The following USP32 variants were observed in gnomAD, a reference collection of about 807,000 sequenced individuals.
USP32 encodes ubiquitin carboxyl-terminal hydrolase 32.
Under a neutral mutation model 204.8 loss-of-function variants are expected in USP32, and 59 were observed. The ratio of observed to expected loss-of-function variants is 0.29; its 90% CI spans 0.23 to 0.36. The LOEUF is 0.36. USP32 is among the 10% of genes least tolerant of loss of function. The pLI is 1.00. For missense variants in USP32, 1,160 were observed against 1,946.4 expected (o/e 0.60, Z 7.60); for synonymous variants, 517 against 678.4 (o/e 0.76, Z 3.70).
intron 9 of USP32, among the ~76,000 whole-genome samples, chr17:60,262,042 A>AT (rs2086465921): frequency 6.6e-6 from 1 of 152,234 alleles, no homozygotes; most frequent in African/African-American, 2.4e-5. Flanking sequence ...CTTAAAATCT[A>AT]GAACTGTAAA....
chr17:60,301,546 A>G (rs1232673350), intron 3 of USP32, 53 bp downstream of exon 3: 3 of 1,143,640 alleles, frequency 2.6e-6, no homozygotes, highest in Non-Finnish European at 3.6e-6. Flanking sequence ...GAATTTTGAG[A>G]TAAATTATTC....
At chr17:60,191,598 C>A (rs568345583) in intron 28 of USP32, among the ~76,000 whole-genome samples, 1 of 151,344 alleles carries the variant, frequency 6.6e-6, no homozygotes, top group Admixed American at 6.6e-5. Context: ...CAAGCTCCGC[C>A]TCCCGGGTTC....
chr17:60,320,697 A>T (rs2088092183), intron 2 of USP32, among the ~76,000 whole-genome samples: 1 of 152,248 alleles, frequency 6.6e-6, no homozygotes. Flanking sequence ...TTATTTGAGG[A>T]TGTGCTGCAC....
rs2084586438 is a variant in USP32, at chr17:60,198,507, T to C, written c.3250-63A>G. ...CAGGCCTCTGATTCCTCCCTTTAGTTCTTCTAAATGCCTGCCAATGACAGG... is the reference window on the plus strand; with the variant it reads ...CAGGCCTCTGATTCCTCCCTTTAGTCCTTCTAAATGCCTGCCAATGACAGG... On this transcript the variant is annotated intron_variant, in intron 26 of 33. Transcript: ENST00000300896. The C allele has an allele frequency of 3.2e-6, 5 of 1,577,758 alleles. No individual in the cohort carries two copies. In the South Asian group the frequency reaches 5.8e-5, roughly 18 times the overall value.
At chr17:60,392,171 T>G (rs1402226183), upstream of USP32, 2 of 469,804 alleles carry the variant, frequency 4.3e-6, no homozygotes, top group Middle Eastern at 5.7e-4. Flanking sequence ...TGCCTCCTAC[T>G]CCGCCCTTCT....
At chr17:60,349,176 T>C (rs374986468) in intron 1 of USP32, among the ~76,000 whole-genome samples, 27 of 150,040 alleles carry the variant, frequency 1.8e-4, no homozygotes, top group African/African-American at 6.6e-4. Flanking sequence ...TAATCTAATA[T>C]ATTAATTATA....
At chr17:60,318,653 C>G (rs1459172082) in intron 2 of USP32, among the ~76,000 whole-genome samples, 5 of 152,168 alleles carry the variant, frequency 3.3e-5, no homozygotes, top group African/African-American at 1.2e-4. Flanking sequence ...AAGGCTGGGA[C>G]TAGGTCAGGT....
At chr17:60,344,883 C>T (rs971626311) in intron 2 of USP32, among the ~76,000 whole-genome samples, 2 of 152,212 alleles carry the variant, frequency 1.3e-5, no homozygotes, top group East Asian at 1.9e-4. Flanking sequence ...AGACTGGACT[C>T]GAGTTCTTGG....
intron 11 of USP32, among the ~76,000 whole-genome samples, chr17:60,240,257 T>C (rs942606111): frequency 6.6e-6 from 1 of 152,264 alleles, no homozygotes; most frequent in Non-Finnish European, 1.5e-5. Flanking sequence ...CTAGAAATAT[T>C]TCCCTCCACC....
chr17:60,416,599 C>A (rs927621813), intron 1 of USP32, among the ~76,000 whole-genome samples: 6 of 152,104 alleles, frequency 3.9e-5, no homozygotes, highest in Non-Finnish European at 8.8e-5. Context: ...CTCCCAAAGG[C>A]AATGGATTTT....
intron 26 of USP32, among the ~76,000 whole-genome samples, chr17:60,204,835 G>A (rs2084782200): frequency 6.6e-6 from 1 of 151,796 alleles, no homozygotes; most frequent in Non-Finnish European, 1.5e-5. Flanking sequence ...TGTGGGGCAA[G>A]CAAGCATGGC....
At chr17:60,228,097 C>G (rs2085444760) in intron 12 of USP32, among the ~76,000 whole-genome samples, 1 of 151,774 alleles carries the variant, frequency 6.6e-6, no homozygotes. Context: ...GCAGTCTCGG[C>G]TCACAGCAAC....
chr17:60,350,360 C>T (rs549911690), intron 1 of USP32, among the ~76,000 whole-genome samples: 2 of 152,286 alleles, frequency 1.3e-5, no homozygotes, highest in African/African-American at 4.8e-5. Flanking sequence ...ATGATCTTGG[C>T]TCACTGCAAC....
intron 13 of USP32, among the ~76,000 whole-genome samples, chr17:60,225,014 T>C (rs932439165): frequency 6.6e-6 from 1 of 152,364 alleles, no homozygotes; most frequent in Middle Eastern, 3.4e-3. Flanking sequence ...TGGCCTGAAA[T>C]ATACATAGAA....
chr17:60,293,956 A>C (rs1433682862), intron 4 of USP32, among the ~76,000 whole-genome samples: 1 of 152,268 alleles, frequency 6.6e-6, no homozygotes, highest in Non-Finnish European at 1.5e-5. Context: ...GAAAAGAAAA[A>C]TAAAATAATT....
Position 60,190,620 on chromosome 17 carries a change from G to A in USP32, c.3585C>T (p.Ile1195=), listed in dbSNP as rs1232846049. ...GGGCTGTGGGATCCCAATCCACAGC[G>A]ATATAGGCATTTCCAATGAAAGCTC... ...EDRAFIGNAY[I]AVDWDPTALH... Residue 1195 remains isoleucine (I), a synonymous_variant, in exon 29 of 34, where the codon ATC becomes ATT. Coordinates refer to ENST00000300896, the MANE Select transcript of USP32 (RefSeq NM_032582.4). The A allele has an allele frequency of 1.9e-6, 3 of 1,606,296 alleles. No individual in the cohort carries two copies. The highest frequency in any genetic ancestry group is 1.7e-5 in the Admixed American group (1 of 58,186).
At chr17:60,246,832 CT>C (rs1409829850) in intron 11 of USP32, among the ~76,000 whole-genome samples, 1 of 151,982 alleles carries the variant, frequency 6.6e-6, no homozygotes, top group East Asian at 1.9e-4. Context: ...ATTTGTATGT[CT>C]TTTTTTGAGC....
At chr17:60,300,455 C>G in intron 3 of USP32, among the ~76,000 whole-genome samples, 1 of 152,126 alleles carries the variant, frequency 6.6e-6, no homozygotes, top group East Asian at 1.9e-4. Flanking sequence ...TAGCATTTCC[C>G]TGATCAGCAG....
intron 1 of USP32, among the ~76,000 whole-genome samples, chr17:60,399,848 G>A (rs2089923339): frequency 6.6e-6 from 1 of 152,178 alleles, no homozygotes; most frequent in Non-Finnish European, 1.5e-5. Flanking sequence ...GGGCCAGCAA[G>A]GAAGCAAGTG....
Sources: allele counts gnomAD v4.1 joint callset (sites outside exome capture counted in the v4.1 genomes callset), GRCh38; gene constraint gnomAD v4.1.1; transcripts MANE v1.5; gene names NCBI Gene and HGNC (gene_info 2026-07-23, HGNC 2026-07-21).